The following MAGI1 variants were observed in gnomAD, a reference collection of about 807,000 sequenced individuals.
MAGI1 encodes membrane associated guanylate kinase, WW and PDZ domain containing 1, also known as membrane-associated guanylate kinase, WW and PDZ domain-containing protein 1.
MAGI1 carries 58 observed loss-of-function variants against 139.9 expected under a neutral mutation model. The observed-to-expected ratio is 0.41, with a 90% CI of 0.34 to 0.52. MAGI1 has a LOEUF of 0.52. MAGI1 is among the 20% of genes least tolerant of loss of function. The pLI is 0.12. For synonymous variants in MAGI1, 812 were observed against 737.9 expected, an observed-to-expected ratio of 1.10 and a Z score of -1.63; for missense variants, 1,874 against 1,901.6, an observed-to-expected ratio of 0.99 and a Z score of 0.27.
At chr3:65,786,137 G>A (rs1474910430) in intron 1 of MAGI1, among the ~76,000 whole-genome samples, 1 of 151,514 alleles carries the variant, frequency 6.6e-6, no homozygotes, top group Non-Finnish European at 1.5e-5. Context: ...TATATTTTTA[G>A]TAGAGATGGG....
intron 1 of MAGI1, among the ~76,000 whole-genome samples, chr3:65,737,439 A>G (rs1403171923): frequency 1.3e-5 from 2 of 152,264 alleles, no homozygotes; most frequent in Non-Finnish European, 1.5e-5. Context: ...GAACAAGTCA[A>G]TGTTTGGAAC....
chr3:65,624,980 T>C (rs1008140413), intron 1 of MAGI1, among the ~76,000 whole-genome samples: 11 of 152,076 alleles, frequency 7.2e-5, no homozygotes, highest in Admixed American at 7.2e-4. Flanking sequence ...TCAAGCGATT[T>C]TCATGCCTCA....
chr3:65,778,170 C>T (rs2038621596), intron 1 of MAGI1, among the ~76,000 whole-genome samples: 1 of 152,122 alleles, frequency 6.6e-6, no homozygotes, highest in East Asian at 1.9e-4. Flanking sequence ...TGACTCACGC[C>T]TGTAATCCCA....
intron 1 of MAGI1, among the ~76,000 whole-genome samples, chr3:65,674,018 C>T (rs1252463038): frequency 6.6e-6 from 1 of 152,168 alleles, no homozygotes; most frequent in Non-Finnish European, 1.5e-5. Context: ...GTTGGAGACT[C>T]TCTTGGGCCC....
intron 2 of MAGI1, among the ~76,000 whole-genome samples, chr3:65,545,629 T>C (rs1316962697): frequency 2.0e-5 from 3 of 152,282 alleles, no homozygotes; most frequent in East Asian, 1.9e-4. Context: ...TTCTTAAGCA[T>C]CTACAGAGTT....
chr3:65,398,108 C>A (rs1044753748), intron 13 of MAGI1, among the ~76,000 whole-genome samples: 11 of 152,066 alleles, frequency 7.2e-5, no homozygotes, highest in African/African-American at 2.2e-4. Flanking sequence ...ATAGTATTTC[C>A]AGTGCTTCAC....
chr3:65,565,151 A>C (rs1445332715), intron 2 of MAGI1, among the ~76,000 whole-genome samples: 2 of 152,254 alleles, frequency 1.3e-5, no homozygotes, highest in East Asian at 3.8e-4. Context: ...GGTGAAACAC[A>C]TCTCTAGTGA....
chr3:65,799,389 G>C (rs1577163864), intron 1 of MAGI1, among the ~76,000 whole-genome samples: 4 of 152,242 alleles, frequency 2.6e-5, no homozygotes, highest in South Asian at 4.1e-4. Context: ...TAAAATGAGT[G>C]ACACTAAGTT....
chr3:65,835,209 C>G (rs1332637507), intron 1 of MAGI1, among the ~76,000 whole-genome samples: 2 of 152,122 alleles, frequency 1.3e-5, no homozygotes, highest in African/African-American at 4.8e-5. Flanking sequence ...TTTTTAAAAG[C>G]TCTATTTTGG....
chr3:65,714,847 C>T (rs1461804926), intron 1 of MAGI1, among the ~76,000 whole-genome samples: 1 of 152,094 alleles, frequency 6.6e-6, no homozygotes, highest in Admixed American at 6.6e-5. Flanking sequence ...TTTCTGTTTA[C>T]CACTGTGACC....
At chr3:65,410,476 T>C (rs1451921206) in intron 12 of MAGI1, among the ~76,000 whole-genome samples, 1 of 152,140 alleles carries the variant, frequency 6.6e-6, no homozygotes, top group African/African-American at 2.4e-5. Flanking sequence ...CATTCAAAGG[T>C]TCCTTAATTA....
rs1386946107 is a variant in MAGI1, at chr3:65,728,611, A to T, written c.314-106523T>A. Among the ~76,000 whole-genome samples, 3 of 152,354 alleles carry T rather than the reference A, an allele frequency of 2.0e-5. No individual in the cohort carries two copies. In the East Asian group the frequency reaches 5.8e-4, roughly 29 times the overall value. ...AATAAGTCAAACTAGATAGTCATTC[A>T]GCTAAGCAAAGAGCAGGTGTTCTGT... is the stretch of plus-strand genomic sequence containing the variant. On this transcript the variant is annotated intron_variant, in intron 1 of 22. Transcript: ENST00000402939.
At chr3:65,713,374 T>C (rs1413680830) in intron 1 of MAGI1, among the ~76,000 whole-genome samples, 1 of 152,090 alleles carries the variant, frequency 6.6e-6, no homozygotes. Flanking sequence ...TGAGTAAAAA[T>C]GGTTCTTTCA....
chr3:65,818,070 C>G (rs1495454), intron 1 of MAGI1, among the ~76,000 whole-genome samples: 85,335 of 147,986 alleles, frequency 0.58, 24,918 homozygotes, highest in East Asian at 0.92. Flanking sequence ...GTGTGTGTGT[C>G]TCTCTCTTTG....
At chr3:65,548,397 G>A (rs1458495979) in intron 2 of MAGI1, among the ~76,000 whole-genome samples, 1 of 152,016 alleles carries the variant, frequency 6.6e-6, no homozygotes, top group Admixed American at 6.5e-5. Flanking sequence ...ACCACCAGAG[G>A]CTCAGGGCCA....
chr3:65,598,513 T>A (rs2082336223), intron 2 of MAGI1, among the ~76,000 whole-genome samples: 1 of 152,214 alleles, frequency 6.6e-6, no homozygotes, highest in African/African-American at 2.4e-5. Flanking sequence ...TTGGAAGGAA[T>A]TCCAATAGAT....
intron 2 of MAGI1, among the ~76,000 whole-genome samples, chr3:65,602,139 G>A (rs2082513021): frequency 6.6e-6 from 1 of 152,066 alleles, no homozygotes; most frequent in Non-Finnish European, 1.5e-5. Flanking sequence ...TAGCCACTTT[G>A]GAAAACAGTC....
intron 13 of MAGI1, 67 bp downstream of exon 13, chr3:65,401,372 T>TGCCCCCCCCCCCCCCCCC: frequency 2.4e-5 from 19 of 778,240 alleles, no homozygotes; most frequent in East Asian, 1.0e-4. Flanking sequence ...CAGAGTACCC[T>TGCCCCCCCCCCCCCCCCC]CCCACCTCCA....
chr3:65,466,025 C>T (rs1329094852), intron 5 of MAGI1, among the ~76,000 whole-genome samples: 10 of 152,150 alleles, frequency 6.6e-5, no homozygotes, highest in Admixed American at 6.6e-4. Flanking sequence ...AATCCATCTA[C>T]TAAGCTTTTT....
Sources: gnomAD v4.1 joint callset for allele counts (sites outside exome capture counted in the v4.1 genomes callset) on GRCh38, gnomAD v4.1.1 for gene constraint, MANE v1.5 for transcripts, NCBI Gene and HGNC (gene_info 2026-07-23, HGNC 2026-07-21) for gene names.